The following SRPK1 variants were observed in gnomAD, a reference collection of about 807,000 sequenced individuals.
SRPK1 encodes SFRS protein kinase 1.
SRPK1 carries 52 observed loss-of-function variants against 89.5 expected under a neutral mutation model. That is an observed-to-expected ratio of 0.58 (90% CI 0.46 to 0.73). The LOEUF is 0.73. Among genes scored for constraint, SRPK1 ranks in the 30% least tolerant of loss-of-function variants. SRPK1 has a pLI of 0.00. For missense variants in SRPK1, 603 were observed against 780.6 expected (o/e 0.77, Z 2.71); for synonymous variants, 255 against 270.2 (o/e 0.94, Z 0.55).
In SRPK1 at chr6:35,880,742, A is replaced by AAAAAAAAGAAAGAAAG. The variant is rs1561983713; in HGVS notation, c.478+5981_478+5982insCTTTCTTTCTTTTTTT. Among the ~76,000 whole-genome samples the AAAAAAAAGAAAGAAAG allele has an allele frequency of 2.9e-3, 81 of 28,152 alleles. 3 individuals are homozygous for AAAAAAAAGAAAGAAAG. The highest frequency in any genetic ancestry group is 0.01 in the African/African-American group (33 of 3,172). 18.5% of individuals were successfully genotyped at this position (28,152 alleles called of 152,430 possible). On this transcript the variant is annotated intron_variant, in intron 6 of 15. Coordinates refer to ENST00000373825, the MANE Select transcript of SRPK1 (RefSeq NM_003137.5). ...CTCAAAAAAAAAAAAAAAGAAAAAA[A>AAAAAAAAGAAAGAAAG]AAAAAAAAGAAAAGAAAAGAAGAAG...
chr6:35,889,007 C>T, intron 3 of SRPK1, 84 bp from the exon 4 acceptor site: 1 of 864,540 alleles, frequency 1.2e-6, no homozygotes, highest in Non-Finnish European at 1.9e-6. Flanking sequence ...TCACATTTTT[C>T]AACATCTATA....
chr6:35,916,669 G>A (rs1258042716), intron 2 of SRPK1, among the ~76,000 whole-genome samples: 1 of 152,098 alleles, frequency 6.6e-6, no homozygotes, highest in African/African-American at 2.4e-5. Flanking sequence ...CAAATAAAGT[G>A]AAAATTACTG....
At chr6:35,912,449 C>T (rs1039613933) in intron 2 of SRPK1, among the ~76,000 whole-genome samples, 20 of 152,126 alleles carry the variant, frequency 1.3e-4, no homozygotes, top group African/African-American at 4.6e-4. Flanking sequence ...TTAGCAATAA[C>T]GTATTTTTAA....
intron 2 of SRPK1, among the ~76,000 whole-genome samples, chr6:35,918,434 G>A (rs532272484): frequency 1.3e-5 from 2 of 152,192 alleles, no homozygotes; most frequent in African/African-American, 4.8e-5. Flanking sequence ...CTGGTAGGTG[G>A]AGGTTGCAGT....
intron 2 of SRPK1, among the ~76,000 whole-genome samples, chr6:35,905,245 G>A (rs181243589): frequency 6.6e-6 from 1 of 152,244 alleles, no homozygotes; most frequent in East Asian, 1.9e-4. Flanking sequence ...AGCTGAAGAC[G>A]TGGTAATAGT....
intron 2 of SRPK1, among the ~76,000 whole-genome samples, chr6:35,893,564 T>C (rs904683615): frequency 6.6e-6 from 1 of 152,016 alleles, no homozygotes; most frequent in Non-Finnish European, 1.5e-5. Context: ...GCAGACAGAC[T>C]GGTATTTATC....
In SRPK1 at chr6:35,869,160, A is replaced by G. The variant is rs575819389; in HGVS notation, c.1412-50T>C. 19 of 1,433,696 alleles carry G rather than the reference A, an allele frequency of 1.3e-5. No individual in the cohort carries two copies. The African/African-American group carries it at 2.4e-4, about 18-fold the overall frequency. The allele number at this position is 1,433,696 out of a possible 1,614,324, so 88.8% of individuals were successfully genotyped here. ...AAGACTGTTCAATGAACAGAGAAAT[A>G]CTCAATGAGTAATAAAGCTCTCCAA... is the stretch of plus-strand genomic sequence containing the variant. On this transcript the variant is annotated intron_variant, in intron 11 of 15. Transcript: ENST00000373825.
intron 12 of SRPK1, among the ~76,000 whole-genome samples, chr6:35,864,092 A>G (rs900626979): frequency 6.6e-6 from 1 of 152,230 alleles, no homozygotes; most frequent in Non-Finnish European, 1.5e-5. Flanking sequence ...AAACTACTAC[A>G]AGAAAACATG....
At chr6:35,873,832 CTTTT>C (rs34831961) in intron 7 of SRPK1, among the ~76,000 whole-genome samples, 4 of 114,994 alleles carry the variant, frequency 3.5e-5, no homozygotes, top group African/African-American at 1.3e-4. Flanking sequence ...AACAAAAATT[CTTTT>C]TTTTTTTTGA....
At chr6:35,912,677 G>A (rs1202746963) in intron 2 of SRPK1, among the ~76,000 whole-genome samples, 1 of 152,186 alleles carries the variant, frequency 6.6e-6, no homozygotes, top group Non-Finnish European at 1.5e-5. Flanking sequence ...AACAGTGATA[G>A]AGAGGATTTG....
At chr6:35,858,295 G>A (rs1769706829) in intron 12 of SRPK1, among the ~76,000 whole-genome samples, 1 of 151,820 alleles carries the variant, frequency 6.6e-6, no homozygotes, top group Non-Finnish European at 1.5e-5. Flanking sequence ...TCATAAATAT[G>A]GCTTTCTGAA....
At chr6:35,913,709 A>G (rs934888082) in intron 2 of SRPK1, among the ~76,000 whole-genome samples, 7 of 151,650 alleles carry the variant, frequency 4.6e-5, no homozygotes, top group African/African-American at 1.7e-4. Flanking sequence ...GAGGCAGGAG[A>G]ATTGCTTGAA....
chr6:35,921,056 TG>T lies in SRPK1; in HGVS notation c.-1del, dbSNP rs1277703920. ...CTCCACCGCTCACCTTTCCGCTCCA[TG>T]GTGAGACCGGTAATCGCCAGGCGCC... On this transcript the variant is annotated 5_prime_UTR_variant, in exon 1 of 16. Transcript: ENST00000373825. The T allele has an allele frequency of 6.5e-7, 1 of 1,539,140 alleles. No homozygotes were observed. Among genetic ancestry groups the T allele is most frequent in the Admixed American group, 1.9e-5 (1 of 51,688 alleles).
intron 3 of SRPK1, among the ~76,000 whole-genome samples, chr6:35,890,129 T>C (rs961302976): frequency 2.0e-5 from 3 of 150,734 alleles, no homozygotes. Context: ...AAACAAAAAA[T>C]CCCAAAAATT....
At chr6:35,871,236 C>G (rs1440416448) in intron 8 of SRPK1, among the ~76,000 whole-genome samples, 1 of 152,124 alleles carries the variant, frequency 6.6e-6, no homozygotes, top group Non-Finnish European at 1.5e-5. Context: ...TTTTCCATTC[C>G]CATGCACTGC....
At chr6:35,864,518 G>A (rs946098111) in intron 12 of SRPK1, among the ~76,000 whole-genome samples, 3 of 152,098 alleles carry the variant, frequency 2.0e-5, no homozygotes, top group African/African-American at 7.2e-5. Flanking sequence ...CAGTTAAAAT[G>A]GCTTACGTCC....
intron 14 of SRPK1, among the ~76,000 whole-genome samples, chr6:35,840,573 C>A (rs187571132): frequency 1.8e-4 from 28 of 152,272 alleles, no homozygotes; most frequent in African/African-American, 6.3e-4. Flanking sequence ...CCAAGGAATT[C>A]CCTTGAAATT....
intron 13 of SRPK1, among the ~76,000 whole-genome samples, chr6:35,856,370 C>A (rs1444744701): frequency 6.6e-6 from 1 of 151,712 alleles, no homozygotes; most frequent in Admixed American, 6.6e-5. Context: ...AAGCTTAGCA[C>A]TTTCTGAGGG....
chr6:35,837,650 G>A (rs1769209657), intron 15 of SRPK1, among the ~76,000 whole-genome samples: 1 of 151,832 alleles, frequency 6.6e-6, no homozygotes, highest in Non-Finnish European at 1.5e-5. Flanking sequence ...TGACCTCCCA[G>A]GCTCAAGTGA....
Sources: allele counts gnomAD v4.1 joint callset (sites outside exome capture counted in the v4.1 genomes callset), GRCh38; gene constraint gnomAD v4.1.1; transcripts MANE v1.5; gene names NCBI Gene and HGNC (gene_info 2026-07-23, HGNC 2026-07-21).